Variants in GNAL observed in about 807,000 individuals in gnomAD.
GNAL encodes G protein subunit alpha L, also known as guanine nucleotide-binding protein G(olf) subunit alpha.
In GNAL, 18 loss-of-function variants were observed where a neutral mutation model predicts 55.1. That is an observed-to-expected ratio of 0.33 (90% CI 0.23 to 0.48). The LOEUF is 0.48. GNAL is among the 20% of genes least tolerant of loss of function. The probability of loss-of-function intolerance (pLI) is 0.99; values close to 1 mark genes in which losing one functional copy is unlikely to be tolerated. For missense variants in GNAL, 412 were observed against 614.1 expected, an observed-to-expected ratio of 0.67 and a Z score of 3.48; for synonymous variants, 253 against 237.0, an observed-to-expected ratio of 1.07 and a Z score of -0.62.
At chr18:11,732,692 T>C (rs906436146) in intron 1 of GNAL, among the ~76,000 whole-genome samples, 13 of 152,388 alleles carry the variant, frequency 8.5e-5, no homozygotes, top group African/African-American at 3.1e-4. Flanking sequence ...TACATGGTTC[T>C]AAATATGGAT....
intron 5 of GNAL, among the ~76,000 whole-genome samples, chr18:11,839,702 C>A (rs573589730): frequency 6.6e-6 from 1 of 152,194 alleles, no homozygotes; most frequent in South Asian, 2.1e-4. Flanking sequence ...TGTGGTGTAT[C>A]CCTACAATGG....
chr18:11,879,239 T>C (rs1025597579), intron 11 of GNAL, among the ~76,000 whole-genome samples: 2 of 151,894 alleles, frequency 1.3e-5, no homozygotes, highest in Non-Finnish European at 2.9e-5. Flanking sequence ...TCATACCTCA[T>C]GACATCTTTA....
chr18:11,824,263 G>C (rs113352803), intron 4 of GNAL, among the ~76,000 whole-genome samples: 267 of 3,560 alleles, frequency 0.075, 2 homozygotes, highest in African/African-American at 0.097. Flanking sequence ...TGGCTGAGAT[G>C]GGGGGGGGGT....
At chr18:11,869,090 CTT>C (rs1378882360) in intron 9 of GNAL, among the ~76,000 whole-genome samples, 1 of 151,984 alleles carries the variant, frequency 6.6e-6, no homozygotes, top group African/African-American at 2.4e-5. Flanking sequence ...CGAAGTATCT[CTT>C]TTAGTTCATC....
At chr18:11,785,505 C>T (rs2034031569) in intron 4 of GNAL, among the ~76,000 whole-genome samples, 1 of 152,250 alleles carries the variant, frequency 6.6e-6, no homozygotes, top group African/African-American at 2.4e-5. Context: ...AGGAAGACAG[C>T]TTCTCTGGCC....
chr18:11,846,450 T>C (rs190798430), intron 5 of GNAL, among the ~76,000 whole-genome samples: 43 of 107,164 alleles, frequency 4.0e-4, no homozygotes, highest in African/African-American at 1.4e-3. Flanking sequence ...TAAATATAAA[T>C]ATATATATAA....
intron 5 of GNAL, among the ~76,000 whole-genome samples, chr18:11,839,412 C>T (rs2143723468): frequency 6.6e-6 from 1 of 151,552 alleles, no homozygotes; most frequent in Non-Finnish European, 1.5e-5. Flanking sequence ...ATTAGCTGGG[C>T]CATGGTGGTG....
At chr18:11,782,871 A>G (rs1246701914) in intron 4 of GNAL, among the ~76,000 whole-genome samples, 2 of 152,228 alleles carry the variant, frequency 1.3e-5, no homozygotes, top group African/African-American at 4.8e-5. Flanking sequence ...GGGCTATGTG[A>G]GCATAATGCA....
intron 10 of GNAL, among the ~76,000 whole-genome samples, chr18:11,875,914 G>T (rs2036520992): frequency 1.3e-5 from 2 of 152,176 alleles, no homozygotes; most frequent in Admixed American, 6.5e-5. Flanking sequence ...CTGCTTCATA[G>T]ATGGCACTGT....
intron 4 of GNAL, among the ~76,000 whole-genome samples, chr18:11,790,183 T>G (rs1367787157): frequency 6.6e-6 from 1 of 152,188 alleles, no homozygotes; most frequent in Non-Finnish European, 1.5e-5. Context: ...AGTTGTTGGA[T>G]GAGGGGTTGA....
chr18:11,868,503 G>A lies in GNAL; in HGVS notation c.911-40G>A. On this transcript the variant is annotated intron_variant, in intron 8 of 11. Coordinates refer to ENST00000334049, the MANE Select transcript of GNAL (RefSeq NM_182978.4). This position sits in a 1 kb window ranked among gnomAD's most constrained non-coding sequence, Gnocchi z 4.0. ...TACTTTCTTGTAACTCCACAGTGAGGATGTCTAACTGAGGTGCTTTCCTTT... is the reference window on the plus strand; with the variant it reads ...TACTTTCTTGTAACTCCACAGTGAGAATGTCTAACTGAGGTGCTTTCCTTT... The A allele has an allele frequency of 1.3e-6, 2 of 1,571,420 alleles. No homozygotes were observed. The highest frequency in any genetic ancestry group is 1.7e-6 in the Non-Finnish European group (2 of 1,153,022).
chr18:11,867,283 C>G (rs2036284526), intron 8 of GNAL, 57 bp downstream of exon 8: 1 of 986,762 alleles, frequency 1.0e-6, no homozygotes, highest in Admixed American at 1.8e-5. Flanking sequence ...CTCAGCACTG[C>G]TGTGCTTAAC....
rs370726338 is a variant in GNAL at position 11,810,157 on chromosome 18, G to A, written c.625-14761G>A. Among the ~76,000 whole-genome samples the A allele has an allele frequency of 3.9e-5, 6 of 152,364 alleles. No individual in the cohort carries two copies. In the South Asian group the frequency reaches 8.3e-4, roughly 21 times the overall value. On this transcript the variant is annotated intron_variant, in intron 4 of 11. Coordinates refer to ENST00000334049, the MANE Select transcript of GNAL (RefSeq NM_182978.4). ...TATAATGTCAGCACTTTGGGAGGCC[G>A]AGACAGATGCATTGCTTGAGCTCAG...
intron 1 of GNAL, among the ~76,000 whole-genome samples, chr18:11,728,269 C>T: frequency 6.6e-6 from 1 of 150,974 alleles, no homozygotes; most frequent in East Asian, 2.0e-4. Context: ...GTAGTGCAAG[C>T]AGGGGGTGGG....
chr18:11,763,871 T>G (rs2033321933), intron 4 of GNAL, among the ~76,000 whole-genome samples: 1 of 152,198 alleles, frequency 6.6e-6, no homozygotes. Context: ...TGTCATGACC[T>G]TGGCCTGACA....
intron 5 of GNAL, among the ~76,000 whole-genome samples, chr18:11,838,988 T>C (rs62097387): frequency 0.027 from 4,126 of 152,290 alleles, 64 homozygotes; most frequent in Middle Eastern, 0.054. Context: ...CATATAAATA[T>C]GAGATGTTAT....
chr18:11,779,822 T>A (rs1319748893), intron 4 of GNAL, among the ~76,000 whole-genome samples: 1 of 152,234 alleles, frequency 6.6e-6, no homozygotes, highest in Non-Finnish European at 1.5e-5. Context: ...CATTTTCACT[T>A]GAATACTCTT....
intron 1 of GNAL, among the ~76,000 whole-genome samples, chr18:11,743,449 C>T (rs1268337743): frequency 2.0e-5 from 3 of 152,076 alleles, no homozygotes; most frequent in Admixed American, 2.0e-4. Flanking sequence ...TGAATATAAT[C>T]ATTTGAAGAG....
intron 4 of GNAL, among the ~76,000 whole-genome samples, chr18:11,790,399 A>T (rs886395430): frequency 6.6e-6 from 1 of 152,184 alleles, no homozygotes; most frequent in Non-Finnish European, 1.5e-5. Context: ...TCTGACATCA[A>T]TGTGTCCTTG....
Sources: allele counts gnomAD v4.1 joint callset (sites outside exome capture counted in the v4.1 genomes callset), GRCh38; gene constraint gnomAD v4.1.1; non-coding constraint Gnocchi (gnomAD v3.1); transcripts MANE v1.5; gene names NCBI Gene and HGNC (gene_info 2026-07-23, HGNC 2026-07-21).